RCSD1: variants seen among roughly 807,000 people sequenced by gnomAD.
The protein encoded by RCSD1 is RCSD domain containing 1.
Under a neutral mutation model 42.5 loss-of-function variants are expected in RCSD1, and 26 were observed. That is an observed-to-expected ratio of 0.61 (90% confidence interval 0.45 to 0.85). The LOEUF is 0.85. Among genes scored for constraint, RCSD1 ranks in the 40% least tolerant of loss-of-function variants. RCSD1 has a pLI of 0.00. For synonymous variants in RCSD1, 220 were observed against 212.2 expected (o/e 1.04, Z -0.32); for missense variants, 571 against 528.3 (o/e 1.08, Z -0.79).
chr1:167,659,559 T>G (rs1658496584), intron 1 of RCSD1, among the ~76,000 whole-genome samples: 1 of 152,186 alleles, frequency 6.6e-6, no homozygotes. Flanking sequence ...GCCTTCAGAA[T>G]GCCATGAACT....
At chr1:167,637,959 G>A (rs1657904006) in intron 1 of RCSD1, among the ~76,000 whole-genome samples, 1 of 152,178 alleles carries the variant, frequency 6.6e-6, no homozygotes, top group Admixed American at 6.5e-5. Context: ...CAGTGCCGCT[G>A]GGCCTTGTGG....
intron 1 of RCSD1, among the ~76,000 whole-genome samples, chr1:167,661,701 T>C (rs1286398201): frequency 2.0e-5 from 3 of 152,208 alleles, no homozygotes; most frequent in East Asian, 1.9e-4. Context: ...TGTCGATTAA[T>C]ATATATAAAA....
At chr1:167,650,061 G>A (rs1658264898) in intron 1 of RCSD1, among the ~76,000 whole-genome samples, 1 of 152,176 alleles carries the variant, frequency 6.6e-6, no homozygotes, top group Admixed American at 6.5e-5. Flanking sequence ...CTAAATTGCT[G>A]TGGGATCTTG....
rs1659718946 is a variant in RCSD1, at chr1:167,704,810, T to G, written c.*114T>G. 4 of 1,036,006 alleles carry G rather than the reference T, an allele frequency of 3.9e-6. No homozygotes were observed. The East Asian group carries it at 1.0e-4, about 26-fold the overall frequency. The allele number at this position is 1,036,006 out of a possible 1,614,324, so 64.2% of individuals were successfully genotyped here. ...CATTGCAGAGGCAGAATATGCTGAG[T>G]GTCTGGAGTCAGCCTGAAGACACAG... is the stretch of plus-strand genomic sequence containing the variant. On this transcript the variant is annotated 3_prime_UTR_variant, in exon 7 of 7. Transcript: ENST00000367854.
intron 3 of RCSD1, among the ~76,000 whole-genome samples, chr1:167,688,495 A>C (rs977810402): frequency 1.3e-5 from 2 of 152,066 alleles, no homozygotes; most frequent in African/African-American, 4.8e-5. Context: ...GTGAAGACAC[A>C]TGGAGGCAGA....
chr1:167,704,055 G>A (rs1485549079), intron 6 of RCSD1, among the ~76,000 whole-genome samples: 1 of 152,176 alleles, frequency 6.6e-6, no homozygotes, highest in Admixed American at 6.5e-5. Flanking sequence ...CAAAAGAACT[G>A]ATGGGGACGA....
intron 3 of RCSD1, 117 bp from the exon 4 acceptor site, chr1:167,689,932 T>C (rs1571100270): frequency 1.1e-6 from 1 of 928,396 alleles, no homozygotes; most frequent in Non-Finnish European, 1.7e-6. Context: ...ACTGAACTAA[T>C]GAGAAAGTGG....
At chr1:167,687,329 C>G (rs894270393) in intron 3 of RCSD1, among the ~76,000 whole-genome samples, 7 of 151,934 alleles carry the variant, frequency 4.6e-5, no homozygotes, top group Non-Finnish European at 8.8e-5. Flanking sequence ...TTGAGACCAT[C>G]CTGGCTAACA....
chr1:167,667,960 C>T (rs575937392), intron 1 of RCSD1, among the ~76,000 whole-genome samples: 10 of 152,178 alleles, frequency 6.6e-5, no homozygotes, highest in African/African-American at 2.4e-4. Context: ...TCAGCAATTA[C>T]AGTAGAAAGA....
At position 167,702,949 on chromosome 1, in the gene RCSD1, G is replaced by C. The variant is rs187351715; in HGVS notation, c.1219-1715G>C. 1.8e-4 allele frequency among the ~76,000 whole-genome samples: 28 copies of C among 152,300 alleles called. 1 individual carries two copies. Among genetic ancestry groups the C allele is most frequent in the Admixed American group, 1.3e-3 (20 of 15,288 alleles). On this transcript the variant is annotated intron_variant, in intron 6 of 6. Coordinates refer to ENST00000367854, the MANE Select transcript of RCSD1 (RefSeq NM_052862.4). ...TGGATATCAAATCTGAGACTTTGCT[G>C]TATTAACAATAAGTGCCGACTTCCT...
intron 1 of RCSD1, among the ~76,000 whole-genome samples, chr1:167,634,837 G>A (rs373610345): frequency 1.4e-4 from 22 of 151,830 alleles, no homozygotes; most frequent in East Asian, 9.6e-4. Context: ...AGTATTTATT[G>A]GGCCCTTATT....
chr1:167,675,002 C>T (rs140416132), intron 1 of RCSD1, among the ~76,000 whole-genome samples: 1 of 151,852 alleles, frequency 6.6e-6, no homozygotes, highest in African/African-American at 2.4e-5. Flanking sequence ...GTCAGGAGAT[C>T]AAGACCATCC....
At chr1:167,680,468 G>GTTTTT (rs1303511359) in intron 1 of RCSD1, among the ~76,000 whole-genome samples, 2 of 151,870 alleles carry the variant, frequency 1.3e-5, no homozygotes, top group Non-Finnish European at 2.9e-5. Context: ...TTTTGTTTTT[G>GTTTTT]TTTTTGTTTT....
chr1:167,630,559 A>C, intron 1 of RCSD1, 130 bp downstream of exon 1: 1 of 1,016,712 alleles, frequency 9.8e-7, no homozygotes. Flanking sequence ...AGAAGGGCAA[A>C]TGCCTGCTGT....
intron 1 of RCSD1, among the ~76,000 whole-genome samples, chr1:167,657,377 TGAGATGACA>T (rs972677824): frequency 6.6e-6 from 1 of 152,328 alleles, no homozygotes; most frequent in African/African-American, 2.4e-5. Context: ...GAGTATATGC[TGAGATGACA>T]GGGCCCATTT....
At chr1:167,667,815 C>T (rs1461286105) in intron 1 of RCSD1, among the ~76,000 whole-genome samples, 1 of 152,174 alleles carries the variant, frequency 6.6e-6, no homozygotes, top group Non-Finnish European at 1.5e-5. Flanking sequence ...ATTTATCAAT[C>T]CCTCACAATG....
chr1:167,639,628 T>G (rs1222759956), intron 1 of RCSD1, among the ~76,000 whole-genome samples: 2 of 152,120 alleles, frequency 1.3e-5, no homozygotes, highest in African/African-American at 4.8e-5. Context: ...AAGTAGCTGG[T>G]ATTACAGGCG....
intron 1 of RCSD1, among the ~76,000 whole-genome samples, chr1:167,639,802 T>C (rs1271352062): frequency 6.6e-6 from 1 of 152,208 alleles, no homozygotes. Context: ...CCCATTCTCA[T>C]TGTTTTAACA....
At position 167,646,594 on chromosome 1, in the gene RCSD1, C is replaced by T. The variant is rs114320921; in HGVS notation, c.6+16165C>T. On this transcript the variant is annotated intron_variant, in intron 1 of 6. Coordinates refer to ENST00000367854, the MANE Select transcript of RCSD1 (RefSeq NM_052862.4). ...GTTTGTTACATAGATATACATGTGCCATGGTGGTTTGCTGCATCTATCAAC... is the reference window on the plus strand; with the variant it reads ...GTTTGTTACATAGATATACATGTGCTATGGTGGTTTGCTGCATCTATCAAC... Among the ~76,000 whole-genome samples, 1,121 of 151,912 alleles carry T rather than the reference C, an allele frequency of 7.4e-3. 16 individuals carry two copies. The highest frequency in any genetic ancestry group is 0.026 in the African/African-American group (1,070 of 41,396).
Sources: allele counts gnomAD v4.1 joint callset (sites outside exome capture counted in the v4.1 genomes callset), GRCh38; gene constraint gnomAD v4.1.1; transcripts MANE v1.5; gene names NCBI Gene and HGNC (gene_info 2026-07-23, HGNC 2026-07-21).